Variants in PIAS2 observed in about 807,000 individuals in gnomAD.
PIAS2 encodes protein inhibitor of activated STAT 2, also known as E3 SUMO-protein ligase PIAS2.
A neutral mutation model predicts 69.7 loss-of-function variants in PIAS2; 19 were observed. That is an observed-to-expected ratio of 0.27 (90% confidence interval 0.19 to 0.40). PIAS2 has a LOEUF of 0.40. Among genes scored for constraint, PIAS2 ranks in the 10% least tolerant of loss-of-function variants. The pLI, the probability that PIAS2 is intolerant of heterozygous loss-of-function variation, is 1.00. For synonymous variants in PIAS2, 261 were observed against 263.2 expected, an observed-to-expected ratio of 0.99 and a Z score of 0.08; for missense variants, 624 against 757.0, an observed-to-expected ratio of 0.82 and a Z score of 2.06.
At chr18:46,842,453 T>C (rs949066818) in intron 8 of PIAS2, among the ~76,000 whole-genome samples, 3 of 152,132 alleles carry the variant, frequency 2.0e-5, no homozygotes, top group African/African-American at 7.2e-5. Flanking sequence ...TTGTGTAGAC[T>C]TTCTTCCTGA....
chr18:46,826,648 C>T (rs1174529955), intron 11 of PIAS2: 1 of 152,112 alleles, frequency 6.6e-6, no homozygotes, highest in African/African-American at 2.4e-5. Context: ...GATGTACCAA[C>T]CAATTTGTCT....
At chr18:46,856,236 C>T (rs900315983) in intron 3 of PIAS2, among the ~76,000 whole-genome samples, 1 of 151,912 alleles carries the variant, frequency 6.6e-6, no homozygotes, top group Non-Finnish European at 1.5e-5. Flanking sequence ...CTCCTGACCT[C>T]GTGATCCGTC....
intron 12 of PIAS2, chr18:46,818,436 T>G: frequency 6.3e-7 from 1 of 1,577,914 alleles, no homozygotes; most frequent in South Asian, 1.2e-5. Context: ...ATATCATTTC[T>G]TCTTTGTTCT....
rs2040858750 is a variant in PIAS2, at chr18:46,809,305, C to T, written c.*3128G>A. The T allele has an allele frequency of 6.6e-6, 1 of 152,160 alleles. No individual in the cohort carries two copies. Among genetic ancestry groups the T allele is most frequent in the Non-Finnish European group, 1.5e-5 (1 of 68,044 alleles). The allele number at this position is 152,160 out of a possible 1,614,324, so 9.4% of individuals were successfully genotyped here. ...GACAGATGCCAAGTTTTTATAACTT[C>T]AGGCCAGAAAATCCTCAAGTGGCTC... On this transcript the variant is annotated 3_prime_UTR_variant, in exon 14 of 14. Coordinates refer to ENST00000585916, the MANE Select transcript of PIAS2 (RefSeq NM_004671.5).
intron 2 of PIAS2, among the ~76,000 whole-genome samples, chr18:46,889,621 T>G (rs75543496): frequency 0.02 from 2,969 of 151,822 alleles, 92 homozygotes; most frequent in East Asian, 0.14. Flanking sequence ...CCTTGTGCAC[T>G]GTTGAAGGGA....
intron 5 of PIAS2, among the ~76,000 whole-genome samples, chr18:46,855,103 TAAA>T (rs59957336): frequency 1.3e-5 from 1 of 76,346 alleles, no homozygotes; most frequent in South Asian, 5.7e-4. Flanking sequence ...CTTGTCTCTT[TAAA>T]AAAAAAAAAA....
intron 10 of PIAS2, among the ~76,000 whole-genome samples, chr18:46,828,916 G>C (rs1196909146): frequency 6.6e-6 from 1 of 152,182 alleles, no homozygotes; most frequent in Admixed American, 6.5e-5. Flanking sequence ...TGAAAGATGA[G>C]AGAAACCTTG....
At position 46,896,259 on chromosome 18, in the gene PIAS2, G is replaced by GA. The variant is rs200089770; in HGVS notation, c.25-5206dup. On this transcript the variant is annotated intron_variant, in intron 1 of 13. Transcript: ENST00000585916. The stretch of plus-strand genomic sequence containing the variant: ...TAAACAAACGTATGGTCTTATAAAT[G>GA]AAAAAAAAAAAACTAAACAAATTTC... Among the ~76,000 whole-genome samples, 260 of 124,340 alleles carry GA rather than the reference G, an allele frequency of 2.1e-3. 2 individuals carry two copies. The highest frequency in any genetic ancestry group is 9.7e-3 in the East Asian group (41 of 4,214). The allele number at this position is 124,340 out of a possible 152,430, so 81.6% of individuals were successfully genotyped here. A position where few individuals can be genotyped will look rare whatever the true frequency, so the allele number is the denominator to read the frequency against.
Position 46,803,872 on chromosome 18 carries a change from C to T in PIAS2, c.*8561G>A, listed in dbSNP as rs1387930334. 3.9e-5 allele frequency: 6 copies of T among 152,134 alleles called. No individual in the cohort carries two copies. Among genetic ancestry groups the T allele is most frequent in the Non-Finnish European group, 8.8e-5 (6 of 68,054 alleles). 9.4% of individuals were successfully genotyped at this position (152,134 alleles called of 1,614,324 possible). ...TAATACACCTACTCCCATATTATCC[C>T]CACTGTGCACTGCTCTACCCACCCC... On this transcript the variant is annotated 3_prime_UTR_variant, in exon 14 of 14. Coordinates refer to ENST00000585916, the MANE Select transcript of PIAS2 (RefSeq NM_004671.5).
intron 9 of PIAS2, among the ~76,000 whole-genome samples, chr18:46,831,428 C>CTT (rs2043603745): frequency 6.6e-6 from 1 of 152,258 alleles, no homozygotes; most frequent in South Asian, 2.1e-4. Context: ...TCACCACAGA[C>CTT]TTATCTACAG....
intron 1 of PIAS2, among the ~76,000 whole-genome samples, chr18:46,916,058 G>A (rs1409403256): frequency 6.6e-6 from 1 of 152,138 alleles, no homozygotes; most frequent in Non-Finnish European, 1.5e-5. Flanking sequence ...ATGGTTCTCT[G>A]CATAAACTAG....
chr18:46,841,486 T>C (rs1340646916), intron 8 of PIAS2, among the ~76,000 whole-genome samples: 4 of 152,214 alleles, frequency 2.6e-5, no homozygotes, highest in East Asian at 3.8e-4. Context: ...CAACTGATAA[T>C]AGGACTTACT....
At chr18:46,861,867 A>G (rs915898133) in intron 3 of PIAS2, among the ~76,000 whole-genome samples, 5 of 152,214 alleles carry the variant, frequency 3.3e-5, no homozygotes, top group African/African-American at 1.2e-4. Context: ...TTGACCAAAA[A>G]ACTGGTGAAA....
At chr18:46,836,850 T>C (rs1338714567) in intron 8 of PIAS2, among the ~76,000 whole-genome samples, 1 of 152,204 alleles carries the variant, frequency 6.6e-6, no homozygotes, top group African/African-American at 2.4e-5. Flanking sequence ...CTTTCACAGA[T>C]GTTCTAAGCA....
intron 2 of PIAS2, among the ~76,000 whole-genome samples, chr18:46,870,481 T>G (rs1263098647): frequency 6.6e-6 from 1 of 151,760 alleles, no homozygotes; most frequent in Non-Finnish European, 1.5e-5. Flanking sequence ...CCAGACGTGG[T>G]GACGGGCGCC....
chr18:46,859,305 G>A (rs1481935010), intron 3 of PIAS2, among the ~76,000 whole-genome samples: 1 of 151,880 alleles, frequency 6.6e-6, no homozygotes, highest in East Asian at 1.9e-4. Flanking sequence ...GTGGGTGCCT[G>A]TAGTCCCAGC....
At chr18:46,908,455 T>C (rs2056880715) in intron 1 of PIAS2, among the ~76,000 whole-genome samples, 1 of 152,166 alleles carries the variant, frequency 6.6e-6, no homozygotes, top group South Asian at 2.1e-4. Context: ...TATTATTCTT[T>C]GAGGAAAAAC....
intron 9 of PIAS2, chr18:46,836,115 T>C: frequency 3.0e-6 from 1 of 331,458 alleles, no homozygotes; most frequent in East Asian, 4.7e-5. Flanking sequence ...TAAAATATAA[T>C]CTTGGAAAGC....
chr18:46,812,055 A>AT lies in PIAS2; in HGVS notation c.*377dup, dbSNP rs140762308. The AT allele has an allele frequency of 7.1e-4, 110 of 154,180 alleles. No homozygotes were observed. Among genetic ancestry groups the AT allele is most frequent in the Non-Finnish European group, 8.6e-4 (60 of 69,558 alleles). The allele number at this position is 154,180 out of a possible 1,614,324, so 9.6% of individuals were successfully genotyped here. ...TGTCATTCTAGAATCAGTGATTACA[A>AT]TTTTTTTTTTAATTAGAAAAAAGGT... is the stretch of plus-strand genomic sequence containing the variant. On this transcript the variant is annotated 3_prime_UTR_variant, in exon 14 of 14. Coordinates refer to ENST00000585916, the MANE Select transcript of PIAS2 (RefSeq NM_004671.5).
Sources: gnomAD v4.1 joint callset for allele counts (sites outside exome capture counted in the v4.1 genomes callset) on GRCh38, gnomAD v4.1.1 for gene constraint, MANE v1.5 for transcripts, NCBI Gene and HGNC (gene_info 2026-07-23, HGNC 2026-07-21) for gene names.